Variants in TENM2 observed in about 807,000 individuals in gnomAD.
TENM2 encodes teneurin-2.
A neutral mutation model predicts 245.2 loss-of-function variants in TENM2; 52 were observed. That is an observed-to-expected ratio of 0.21 (90% CI 0.17 to 0.27). The LOEUF is 0.27. TENM2 is among the 10% of genes least tolerant of loss of function. The pLI is 1.00. For missense variants in TENM2, 3,046 were observed against 3,666.8 expected (o/e 0.83, Z 4.37); for synonymous variants, 1,363 against 1,438.9 (o/e 0.95, Z 1.19).
the TENM2 span, among the ~76,000 whole-genome samples, chr5:167,061,119 CACAT>C: frequency 1.4e-5 from 2 of 147,430 alleles, no homozygotes; most frequent in Non-Finnish European, 3.0e-5. Flanking sequence ...CACACACACA[CACAT>C]GCATACGCAC....
intron 1 of TENM2, among the ~76,000 whole-genome samples, chr5:167,370,503 C>T (rs889280608): frequency 9.2e-5 from 14 of 152,240 alleles, no homozygotes; most frequent in Admixed American, 2.0e-4. Context: ...AGTTTTTAGA[C>T]ATTAACATTC....
At chr5:167,559,696 G>T (rs969490744) in intron 2 of TENM2, among the ~76,000 whole-genome samples, 1 of 152,042 alleles carries the variant, frequency 6.6e-6, no homozygotes, top group East Asian at 1.9e-4. Context: ...GGGAGTAAGG[G>T]GGCATGGAGA....
the TENM2 span, among the ~76,000 whole-genome samples, chr5:167,005,942 G>C: frequency 6.6e-6 from 1 of 152,090 alleles, no homozygotes; most frequent in Admixed American, 6.6e-5. Context: ...TTACAGGTGT[G>C]AGCCACCGTG....
At chr5:168,076,979 C>G (rs562555043) in intron 7 of TENM2, among the ~76,000 whole-genome samples, 1 of 152,140 alleles carries the variant, frequency 6.6e-6, no homozygotes, top group Admixed American at 6.6e-5. Context: ...AGAGTGTCCT[C>G]TTTGAAGCTG....
the TENM2 span, among the ~76,000 whole-genome samples, chr5:167,023,096 C>T: frequency 6.6e-6 from 1 of 152,204 alleles, no homozygotes; most frequent in South Asian, 2.1e-4. Context: ...TCCCTCCATC[C>T]CCCTTCTGAG....
In TENM2 at chr5:167,294,780, C is replaced by A. The variant is rs559566119; in HGVS notation, c.226+9717C>A. Among the ~76,000 whole-genome samples the A allele has an allele frequency of 3.9e-5, 6 of 152,336 alleles. No individual in the cohort carries two copies. The South Asian group carries it at 1.2e-3, about 32-fold the overall frequency. The stretch of plus-strand genomic sequence containing the variant: ...GGCCCCGTTTCTGCCTTCTGTCTTA[C>A]ACCAGTCCTATTCCTCTCAGGCCTT... On this transcript the variant is annotated intron_variant, in intron 1 of 28. Transcript: ENST00000518659.
chr5:167,027,689 A>T, the TENM2 span, among the ~76,000 whole-genome samples: 1 of 152,228 alleles, frequency 6.6e-6, no homozygotes, highest in African/African-American at 2.4e-5. Context: ...ATTCAGGAAC[A>T]TTTAAAGAAG....
At chr5:167,288,387 A>C (rs1754418360) in intron 1 of TENM2, among the ~76,000 whole-genome samples, 1 of 151,964 alleles carries the variant, frequency 6.6e-6, no homozygotes, top group Admixed American at 6.6e-5. Context: ...GTGAAACGCT[A>C]TCTCTACTAA....
chr5:167,959,973 G>A (rs1367921181), intron 4 of TENM2, among the ~76,000 whole-genome samples: 1 of 152,176 alleles, frequency 6.6e-6, no homozygotes, highest in Non-Finnish European at 1.5e-5. Flanking sequence ...GTCTGCTGAA[G>A]TTTGCTGGAG....
chr5:168,260,259 C>G, intron 27 of TENM2, 24 bp from the exon 30 acceptor site: 1 of 1,613,150 alleles, frequency 6.2e-7, no homozygotes, highest in Non-Finnish European at 8.5e-7. Context: ...TTTCAGAAAC[C>G]TTTATTTTTG....
the TENM2 span, among the ~76,000 whole-genome samples, chr5:167,158,884 C>CTTCT: frequency 9.0e-5 from 13 of 145,038 alleles, no homozygotes; most frequent in South Asian, 3.0e-3. Flanking sequence ...TCCTTCCTTC[C>CTTCT]TTCCTTCCTT....
chr5:168,171,908 C>G (rs1758870947), intron 13 of TENM2, among the ~76,000 whole-genome samples: 1 of 152,196 alleles, frequency 6.6e-6, no homozygotes, highest in Non-Finnish European at 1.5e-5. Context: ...GAGCCTTGCC[C>G]TAGATGGTGG....
intron 3 of TENM2, among the ~76,000 whole-genome samples, chr5:167,931,820 T>A (rs1203754748): frequency 6.6e-6 from 1 of 152,202 alleles, no homozygotes; most frequent in African/African-American, 2.4e-5. Context: ...GCCTTTTCCC[T>A]TATCGCAGAT....
In TENM2 at chr5:168,249,401, G is replaced by T. The variant is rs185606604; in HGVS notation, c.7432+1030G>T. Among the ~76,000 whole-genome samples, 8 of 152,164 alleles carry T rather than the reference G, an allele frequency of 5.3e-5. No individual in the cohort carries two copies. The East Asian group carries it at 1.2e-3, about 22-fold the overall frequency. ...CAAAACGCATTTATAAAGTGGCACTGTGCTAAGTTCTGGGGATTCAATGGT... is the reference window on the plus strand; with the variant it reads ...CAAAACGCATTTATAAAGTGGCACTTTGCTAAGTTCTGGGGATTCAATGGT... On this transcript the variant is annotated intron_variant, in intron 27 of 28. Coordinates refer to ENST00000518659, the Ensembl canonical transcript of TENM2.
the TENM2 span, among the ~76,000 whole-genome samples, chr5:167,207,399 G>A: frequency 6.7e-6 from 1 of 149,458 alleles, no homozygotes; most frequent in Non-Finnish European, 1.5e-5. Flanking sequence ...GAGATCAGAT[G>A]TTCTGATTTT....
At chr5:168,249,814 A>G (rs575615063) in intron 27 of TENM2, among the ~76,000 whole-genome samples, 1 of 152,234 alleles carries the variant, frequency 6.6e-6, no homozygotes, top group South Asian at 2.1e-4. Flanking sequence ...AGCTATGATC[A>G]TGACACTGCA....
chr5:167,851,486 C>T (rs1483534608), intron 2 of TENM2, among the ~76,000 whole-genome samples: 1 of 152,140 alleles, frequency 6.6e-6, no homozygotes, highest in African/African-American at 2.4e-5. Context: ...TTATCCATAT[C>T]CTTTCTAGAT....
rs567109420 is a variant in TENM2, at chr5:167,710,399, G to A, written c.503-165587G>A. 1.2e-4 allele frequency among the ~76,000 whole-genome samples: 18 copies of A among 152,262 alleles called. No homozygotes were observed. In the East Asian group the frequency reaches 3.3e-3, roughly 28 times the overall value. On this transcript the variant is annotated intron_variant, in intron 2 of 28. Transcript: ENST00000518659. ...GAAGTCACATTCTTATATCTGCTGG[G>A]CAGAGGAGCCCTGGGAGCACTTAAG...
At chr5:167,850,093 C>T (rs1770436820) in intron 2 of TENM2, among the ~76,000 whole-genome samples, 1 of 152,130 alleles carries the variant, frequency 6.6e-6, no homozygotes, top group Admixed American at 6.5e-5. Context: ...TGGTGACCAG[C>T]CCCCACATCC....
Sources: allele counts gnomAD v4.1 joint callset (sites outside exome capture counted in the v4.1 genomes callset), GRCh38; gene constraint gnomAD v4.1.1; transcripts MANE v1.5; gene names NCBI Gene and HGNC (gene_info 2026-07-23, HGNC 2026-07-21).